The following SETD7 variants were observed in gnomAD, a reference collection of about 807,000 sequenced individuals.
The protein encoded by SETD7 is histone-lysine N-methyltransferase SETD7.
In SETD7, 16 loss-of-function variants were observed where a neutral mutation model predicts 41.8. The ratio of observed to expected loss-of-function variants is 0.38; its 90% confidence interval spans 0.26 to 0.58. The LOEUF (loss-of-function observed/expected upper bound fraction) is 0.58, where lower values mean the gene tolerates loss of function less well. Among genes scored for constraint, SETD7 ranks in the 20% least tolerant of loss-of-function variants. SETD7 has a pLI of 0.64. For missense variants in SETD7, 346 were observed against 459.7 expected, an observed-to-expected ratio of 0.75 and a Z score of 2.26; for synonymous variants, 163 against 169.7, an observed-to-expected ratio of 0.96 and a Z score of 0.31.
At position 139,511,636 on chromosome 4, in the gene SETD7, G is replaced by A; in HGVS notation, c.*27C>T. 6.2e-7 allele frequency: 1 copy of A among 1,613,082 alleles called. No individual in the cohort carries two copies. The highest frequency in any genetic ancestry group is 8.5e-7 in the Non-Finnish European group (1 of 1,179,796). The stretch of plus-strand genomic sequence containing the variant: ...TGCATAGATCCAAGTTTCTATTCCA[G>A]GTCTCTGAACCCCAAAGCCAGGCCT... On this transcript the variant is annotated 3_prime_UTR_variant, in exon 8 of 8. Transcript: ENST00000274031.
chr4:139,514,773 G>A (rs759692202), intron 7 of SETD7, among the ~76,000 whole-genome samples: 3 of 152,178 alleles, frequency 2.0e-5, no homozygotes, highest in Non-Finnish European at 4.4e-5. Context: ...CTTGTCTACA[G>A]GTTGTCTAGG....
In SETD7 at chr4:139,509,397, C is replaced by G. The variant is rs1248272254; in HGVS notation, c.*2266G>C. On this transcript the variant is annotated 3_prime_UTR_variant, in exon 8 of 8. Transcript: ENST00000274031. The stretch of plus-strand genomic sequence containing the variant: ...GAACTGATTAGCAGACTAATCACTA[C>G]TTACAACTCTTCAATTCCTTCTATC... 1 of 152,168 alleles carries G rather than the reference C, an allele frequency of 6.6e-6. No homozygotes were observed. Among genetic ancestry groups the G allele is most frequent in the Non-Finnish European group, 1.5e-5 (1 of 68,034 alleles). The allele number at this position is 152,168 out of a possible 1,614,324, so 9.4% of individuals were successfully genotyped here.
At chr4:139,496,933 G>T (rs983966045) in intron 7 of SETD7, among the ~76,000 whole-genome samples, 6 of 120,468 alleles carry the variant, frequency 5.0e-5, no homozygotes, top group Non-Finnish European at 9.1e-5. Context: ...TTCTGATAAA[G>T]AAATTTCAGA....
chr4:139,520,298 T>G lies in SETD7; in HGVS notation c.741A>C (p.Gly247=), dbSNP rs777639063. The G allele has an allele frequency of 1.3e-6, 2 of 1,595,638 alleles. No individual in the cohort carries two copies. The highest frequency in any genetic ancestry group is 1.7e-6 in the Non-Finnish European group (2 of 1,169,774). The change falls in exon 6 of 8, where the codon GGA becomes GGC. Residue 247 remains glycine (G), a synonymous_variant. Transcript: ENST00000274031. ...GPNTVMSFYN[G]VRITHQEVDS... is the part of the protein sequence containing the mutation. Reference sequence around the variant, plus strand: ...TCACCTCTTGGTGTGTAATTCGAACTCCATTATAAAAAGACATAACAGTAT... The same window carrying G: ...TCACCTCTTGGTGTGTAATTCGAACGCCATTATAAAAAGACATAACAGTAT...
rs557484541 is a variant in SETD7, at chr4:139,527,611, C to T, written c.562+1420G>A. On this transcript the variant is annotated intron_variant, in intron 4 of 7. Coordinates refer to ENST00000274031, the MANE Select transcript of SETD7 (RefSeq NM_030648.4). The stretch of plus-strand genomic sequence containing the variant: ...AATATGGCATAATCTTATGGTACCA[C>T]AGTTGTTATGGGCCCATGACTGTAT... Among the ~76,000 whole-genome samples the T allele has an allele frequency of 4.7e-4, 72 of 152,220 alleles. 1 individual carries two copies. The highest frequency in any genetic ancestry group is 1.7e-3 in the African/African-American group (69 of 41,520).
chr4:139,532,007 T>G (rs2111151017), intron 3 of SETD7, among the ~76,000 whole-genome samples: 1 of 152,222 alleles, frequency 6.6e-6, no homozygotes. Context: ...GGCAGAAGAA[T>G]CACTTGAACC....
chr4:139,498,870 GGAGGCCAAGGTGGGCGGATCTCTT>G (rs1220185667), intron 7 of SETD7, among the ~76,000 whole-genome samples: 5 of 152,196 alleles, frequency 3.3e-5, no homozygotes, highest in Non-Finnish European at 7.3e-5. Flanking sequence ...CAGCACTTTG[GGAGGCCAAGGTGGGCGGATCTCTT>G]GAGGCCAGGA....
At chr4:139,503,274 A>G (rs1181100291), downstream of SETD7, among the ~76,000 whole-genome samples, 4 of 151,696 alleles carry the variant, frequency 2.6e-5, no homozygotes, top group African/African-American at 7.3e-5. Context: ...TTGGTAGGCT[A>G]AGTGGATGAT....
rs779458501 is a variant in SETD7 at position 139,496,038 on chromosome 4, C to T, written c.*315G>A. ...CTCATCACCCAGCTGAAATCCTTAT[C>T]CACATGTGGTCAGTCTGGTTTTATC... On this transcript the variant is annotated 3_prime_UTR_variant, in exon 8 of 8. Coordinates refer to the SETD7 transcript ENST00000506866. 9.4e-5 allele frequency: 19 copies of T among 203,088 alleles called. 1 individual carries two copies. Among genetic ancestry groups the T allele is most frequent in the Non-Finnish European group, 1.9e-4 (19 of 101,894 alleles). 12.6% of individuals were successfully genotyped at this position (203,088 alleles called of 1,614,324 possible). A position where few individuals can be genotyped will look rare whatever the true frequency, so the allele number is the denominator to read the frequency against.
chr4:139,532,024 G>A (rs1214038032), intron 3 of SETD7, among the ~76,000 whole-genome samples: 1 of 152,178 alleles, frequency 6.6e-6, no homozygotes, highest in Non-Finnish European at 1.5e-5. Context: ...AACCCACGAG[G>A]CAGAGGTTGC....
At chr4:139,542,317 T>C (rs1215875638) in intron 2 of SETD7, among the ~76,000 whole-genome samples, 1 of 152,190 alleles carries the variant, frequency 6.6e-6, no homozygotes, top group African/African-American at 2.4e-5. Flanking sequence ...GAATAAGTTC[T>C]GGTGTTCTAT....
intron 2 of SETD7, among the ~76,000 whole-genome samples, chr4:139,543,716 G>A (rs1019090383): frequency 1.3e-5 from 2 of 151,596 alleles, no homozygotes; most frequent in South Asian, 2.1e-4. Context: ...ACTTTGGAAG[G>A]CCAAGGCGGG....
At chr4:139,546,882 G>T (rs368542725) in intron 2 of SETD7, 38 bp downstream of exon 2, 1 of 1,613,130 alleles carries the variant, frequency 6.2e-7, no homozygotes, top group Non-Finnish European at 8.5e-7. Context: ...AAAATAATTC[G>T]GTACCCCCAA....
At chr4:139,535,572 T>C (rs1043046178) in intron 2 of SETD7, among the ~76,000 whole-genome samples, 45 of 152,188 alleles carry the variant, frequency 3.0e-4, no homozygotes, top group African/African-American at 1.0e-3. Context: ...AATATGGACT[T>C]GCAGACATTT....
chr4:139,519,894 C>T (rs113709148), intron 6 of SETD7, among the ~76,000 whole-genome samples: 9 of 152,130 alleles, frequency 5.9e-5, no homozygotes, highest in African/African-American at 2.2e-4. Flanking sequence ...AGAACTCTTC[C>T]TGACAAAATG....
At chr4:139,497,596 TG>T (rs1166344487) in intron 7 of SETD7, among the ~76,000 whole-genome samples, 3 of 150,198 alleles carry the variant, frequency 2.0e-5, no homozygotes, top group Non-Finnish European at 4.5e-5. Flanking sequence ...TTTGTTTTTT[TG>T]TTTTTTTTTT....
chr4:139,520,400 T>C lies in SETD7; in HGVS notation c.645-6A>G. 2 of 1,555,770 alleles carry C rather than the reference T, an allele frequency of 1.3e-6. No individual in the cohort carries two copies. The highest frequency in any genetic ancestry group is 1.8e-6 in the Non-Finnish European group (2 of 1,139,834). ...GAGATTCAGCAACATAAACCCTAAA[T>C]TGAAAAAAGAGTTGAATAGTGACCT... On this transcript the variant is annotated splice_polypyrimidine_tract_variant and splice_region_variant and intron_variant, in intron 5 of 7. Transcript: ENST00000274031.
chr4:139,524,881 A>C (rs992038282), intron 4 of SETD7, among the ~76,000 whole-genome samples: 3 of 152,062 alleles, frequency 2.0e-5, no homozygotes, highest in African/African-American at 7.2e-5. Context: ...CAATGGCGTG[A>C]TCTCAGCTCA....
At chr4:139,502,473 C>A (rs1726601239), downstream of SETD7, among the ~76,000 whole-genome samples, 1 of 152,170 alleles carries the variant, frequency 6.6e-6, no homozygotes, top group Admixed American at 6.5e-5. Context: ...AAAGACATGC[C>A]CAAGAGCGGG....
Sources: allele counts gnomAD v4.1 joint callset (sites outside exome capture counted in the v4.1 genomes callset), GRCh38; gene constraint gnomAD v4.1.1; transcripts MANE v1.5; gene names NCBI Gene and HGNC (gene_info 2026-07-23, HGNC 2026-07-21).